The following FHIT variants were observed in gnomAD, a reference collection of about 807,000 sequenced individuals.
FHIT encodes fragile histidine triad diadenosine triphosphatase.
A neutral mutation model predicts 17.9 loss-of-function variants in FHIT; 19 were observed. The ratio of observed to expected loss-of-function variants is 1.06; its 90% confidence interval spans 0.74 to 1.56. The LOEUF is 1.56. FHIT is among the 40% of genes most tolerant of loss of function. FHIT has a pLI of 0.00. For missense variants in FHIT, 248 were observed against 189.2 expected (o/e 1.31, Z -1.82); for synonymous variants, 81 against 69.7 (o/e 1.16, Z -0.81).
At chr3:61,235,253 C>T (rs2040199922) in intron 1 of FHIT, among the ~76,000 whole-genome samples, 1 of 152,126 alleles carries the variant, frequency 6.6e-6, no homozygotes, top group Admixed American at 6.5e-5. Flanking sequence ...ATCTTAGGCC[C>T]ACCACTTGCC....
rs148854141 is a variant in FHIT at position 60,064,716 on chromosome 3, G to A, written c.104-50564C>T. Among the ~76,000 whole-genome samples, 447 of 152,316 alleles carry A rather than the reference G, an allele frequency of 2.9e-3. 2 individuals are homozygous for A. Among genetic ancestry groups the A allele is most frequent in the African/African-American group, 0.01 (418 of 41,592 alleles). On this transcript the variant is annotated intron_variant, in intron 5 of 9. Transcript: ENST00000492590. ...ACAATGTGAGACTATACTGGTCAAA[G>A]AGTATTTAGGATCTGCCAAATAATC...
chr3:60,375,551 G>C (rs909227122), intron 5 of FHIT, among the ~76,000 whole-genome samples: 1 of 152,070 alleles, frequency 6.6e-6, no homozygotes, highest in Admixed American at 6.5e-5. Flanking sequence ...CTCCAGCCTG[G>C]GTGACACGGT....
intron 4 of FHIT, among the ~76,000 whole-genome samples, chr3:60,539,866 A>G (rs2036124595): frequency 6.6e-6 from 1 of 152,106 alleles, no homozygotes; most frequent in African/African-American, 2.4e-5. Flanking sequence ...GGTGCAGCAC[A>G]CCAACATGGT....
chr3:60,559,682 A>T (rs192211623), intron 4 of FHIT, among the ~76,000 whole-genome samples: 1 of 152,088 alleles, frequency 6.6e-6, no homozygotes, highest in African/African-American at 2.4e-5. Flanking sequence ...TAACCCACTG[A>T]GAAGATGGAA....
chr3:60,495,796 T>C (rs1025897760), intron 5 of FHIT, among the ~76,000 whole-genome samples: 8 of 152,170 alleles, frequency 5.3e-5, no homozygotes, highest in Non-Finnish European at 1.2e-4. Context: ...GGAATGCTTG[T>C]CTTTCTAGAC....
chr3:60,530,952 A>G (rs1053581797), intron 5 of FHIT, among the ~76,000 whole-genome samples: 5 of 152,258 alleles, frequency 3.3e-5, no homozygotes, highest in Non-Finnish European at 7.3e-5. Context: ...CCTTTCCCAC[A>G]GAAGTAGGAA....
intron 2 of FHIT, among the ~76,000 whole-genome samples, chr3:61,151,088 T>C (rs1164222989): frequency 1.3e-5 from 2 of 152,268 alleles, no homozygotes; most frequent in African/African-American, 4.8e-5. Flanking sequence ...TTTCTCAGTC[T>C]TACAGTGAAA....
At chr3:61,047,209 C>T (rs553351211) in intron 2 of FHIT, among the ~76,000 whole-genome samples, 39 of 152,294 alleles carry the variant, frequency 2.6e-4, no homozygotes, top group Non-Finnish European at 5.0e-4. Context: ...TGGCAGATGA[C>T]ATGATTGTAT....
chr3:60,980,099 C>CAA (rs1710431274), intron 3 of FHIT, among the ~76,000 whole-genome samples: 2 of 152,312 alleles, frequency 1.3e-5, no homozygotes, highest in East Asian at 3.9e-4. Flanking sequence ...ATGCACTGAG[C>CAA]GTCTTCCTTA....
chr3:61,237,075 T>C (rs2040249798), intron 1 of FHIT, among the ~76,000 whole-genome samples: 1 of 152,212 alleles, frequency 6.6e-6, no homozygotes, highest in South Asian at 2.1e-4. Context: ...ATGATCTGAC[T>C]CAACAAATTA....
intron 8 of FHIT, among the ~76,000 whole-genome samples, chr3:59,909,821 C>T (rs567128735): frequency 6.6e-6 from 1 of 152,128 alleles, no homozygotes; most frequent in East Asian, 1.9e-4. Flanking sequence ...TAAAAAGTGA[C>T]CCCTGATGTT....
intron 5 of FHIT, among the ~76,000 whole-genome samples, chr3:60,088,483 T>C (rs1022132929): frequency 2.0e-5 from 3 of 152,212 alleles, no homozygotes; most frequent in African/African-American, 7.2e-5. Flanking sequence ...CTATTCCCTA[T>C]GCCCGAGTAT....
intron 3 of FHIT, among the ~76,000 whole-genome samples, chr3:60,824,775 C>G (rs1702055279): frequency 6.6e-6 from 1 of 152,160 alleles, no homozygotes; most frequent in African/African-American, 2.4e-5. Context: ...GGGAGTCTCT[C>G]TGCACAAGCT....
intron 5 of FHIT, among the ~76,000 whole-genome samples, chr3:60,439,438 T>C (rs539700677): frequency 2.0e-5 from 3 of 152,240 alleles, no homozygotes; most frequent in African/African-American, 7.2e-5. Flanking sequence ...CTTGGGTAGC[T>C]AGAGGCAAGA....
At chr3:59,828,451 C>G (rs546065053) in intron 8 of FHIT, among the ~76,000 whole-genome samples, 1 of 152,164 alleles carries the variant, frequency 6.6e-6, no homozygotes, top group Non-Finnish European at 1.5e-5. Context: ...TAGTCATTGA[C>G]AACTTTCTTT....
At chr3:60,180,113 G>A (rs1453707870) in intron 5 of FHIT, among the ~76,000 whole-genome samples, 1 of 152,118 alleles carries the variant, frequency 6.6e-6, no homozygotes, top group African/African-American at 2.4e-5. Context: ...GTGGTGTTTA[G>A]GCCACCAAAA....
chr3:60,834,617 G>A (rs1387181008), intron 3 of FHIT, among the ~76,000 whole-genome samples: 2 of 152,052 alleles, frequency 1.3e-5, no homozygotes, highest in Non-Finnish European at 2.9e-5. Context: ...CCAGCATTTG[G>A]GAGGCCGAGG....
At chr3:60,931,251 T>C (rs991497529) in intron 3 of FHIT, among the ~76,000 whole-genome samples, 4 of 151,934 alleles carry the variant, frequency 2.6e-5, no homozygotes, top group Non-Finnish European at 5.9e-5. Context: ...CGTTAGGAGA[T>C]ATACCTAATG....
intron 1 of FHIT, chr3:61,243,870 A>C (rs1179981648): frequency 6.6e-6 from 1 of 152,112 alleles, no homozygotes; most frequent in Non-Finnish European, 1.5e-5. Flanking sequence ...CTCAAAGATA[A>C]CTAGTGCAAA....
Sources: gnomAD v4.1 joint callset for allele counts (sites outside exome capture counted in the v4.1 genomes callset) on GRCh38, gnomAD v4.1.1 for gene constraint, MANE v1.5 for transcripts, NCBI Gene and HGNC (gene_info 2026-07-23, HGNC 2026-07-21) for gene names.